PSTPIP1: variants seen among roughly 807,000 people sequenced by gnomAD.
The protein encoded by PSTPIP1 is proline-serine-threonine phosphatase-interacting protein 1.
A neutral mutation model predicts 69.6 loss-of-function variants in PSTPIP1; 66 were observed. The observed-to-expected ratio is 0.95, with a 90% CI of 0.78 to 1.16. The LOEUF is 1.16. Among genes scored for constraint, PSTPIP1 ranks in the 50% most tolerant of loss-of-function variants. The pLI is 0.00. For synonymous variants in PSTPIP1, 266 were observed against 222.7 expected (o/e 1.19, Z -1.73); for missense variants, 603 against 557.4 (o/e 1.08, Z -0.82).
At chr15:77,014,196 G>A (rs2076003764) in intron 1 of PSTPIP1, among the ~76,000 whole-genome samples, 2 of 152,158 alleles carry the variant, frequency 1.3e-5, no homozygotes, top group Non-Finnish European at 2.9e-5. Context: ...TAACCTCTCT[G>A]GGTTACCTTT....
intron 10 of PSTPIP1, 31 bp from the exon 11 acceptor site, chr15:77,032,267 G>T (rs1321047458): frequency 7.5e-6 from 12 of 1,605,212 alleles, no homozygotes; most frequent in Non-Finnish European, 8.5e-6. Flanking sequence ...AGTGGGCATC[G>T]GGCTGCGGCC....
chr15:76,997,820 C>T (rs1022198), intron 1 of PSTPIP1, among the ~76,000 whole-genome samples: 48,846 of 152,106 alleles, frequency 0.32, 9,500 homozygotes, highest in African/African-American at 0.52. Context: ...AGGCACACTA[C>T]TCTGGCCACA....
At position 77,028,549 on chromosome 15, in the gene PSTPIP1, C is replaced by G; in HGVS notation, c.418-5C>G. 5 of 1,596,770 alleles carry G rather than the reference C, an allele frequency of 3.1e-6. No individual in the cohort carries two copies. Among genetic ancestry groups the G allele is most frequent in the Non-Finnish European group, 4.3e-6 (5 of 1,172,652 alleles). On this transcript the variant is annotated splice_region_variant and splice_polypyrimidine_tract_variant and intron_variant, in intron 6 of 14. Coordinates refer to ENST00000558012, the MANE Select transcript of PSTPIP1 (RefSeq NM_003978.5). ...CCCCCAAGTCACGCCCCTCCACACC[C>G]CCAGTCCAAGAAGACATACGAGCAG...
At chr15:77,016,757 A>G (rs1213409857) in intron 1 of PSTPIP1, among the ~76,000 whole-genome samples, 1 of 152,138 alleles carries the variant, frequency 6.6e-6, no homozygotes, top group African/African-American at 2.4e-5. Flanking sequence ...GATTCTTCTT[A>G]GACCTTGGAG....
chr15:77,001,014 TGG>T (rs2075696638), intron 1 of PSTPIP1, among the ~76,000 whole-genome samples: 2 of 152,094 alleles, frequency 1.3e-5, no homozygotes, highest in Non-Finnish European at 2.9e-5. Context: ...GGAACACCTG[TGG>T]GTGTGGACAT....
intron 12 of PSTPIP1, among the ~76,000 whole-genome samples, chr15:77,034,027 CA>C (rs2076490153): frequency 6.6e-6 from 1 of 152,022 alleles, no homozygotes; most frequent in Non-Finnish European, 1.5e-5. Flanking sequence ...GGAGTGGCCC[CA>C]GAGAGGATTA....
chr15:76,998,096 G>A (rs544661666), intron 1 of PSTPIP1, among the ~76,000 whole-genome samples: 13 of 152,292 alleles, frequency 8.5e-5, no homozygotes, highest in African/African-American at 3.1e-4. Flanking sequence ...AAATTAGCCA[G>A]GCGTGATGGC....
intron 1 of PSTPIP1, among the ~76,000 whole-genome samples, chr15:76,996,902 C>T (rs2075592800): frequency 6.6e-6 from 1 of 152,172 alleles, no homozygotes; most frequent in African/African-American, 2.4e-5. Context: ...ACCTAGCTGC[C>T]CTGCCTTGGT....
chr15:77,028,428 G>A (rs915594882), intron 6 of PSTPIP1, 126 bp from the exon 7 acceptor site: 1 of 707,364 alleles, frequency 1.4e-6, no homozygotes, highest in Non-Finnish European at 2.3e-6. Flanking sequence ...TCCCTGGTGA[G>A]GATGCCCCCA....
chr15:77,013,651 C>T (rs2075990275), intron 1 of PSTPIP1, among the ~76,000 whole-genome samples: 2 of 152,184 alleles, frequency 1.3e-5, no homozygotes, highest in Admixed American at 6.5e-5. Context: ...CTAGGGGCTC[C>T]TCTCTCCCTG....
At position 77,027,453 on chromosome 15, in the gene PSTPIP1, G is replaced by A. The variant is rs1421148344; in HGVS notation, c.355-399G>A. Among the ~76,000 whole-genome samples, 4 of 152,212 alleles carry A rather than the reference G, an allele frequency of 2.6e-5. No individual in the cohort carries two copies. In the South Asian group the frequency reaches 8.3e-4, roughly 32 times the overall value. On this transcript the variant is annotated intron_variant, in intron 5 of 14. Transcript: ENST00000558012. The surrounding 1 kb of genome is among the most constrained non-coding windows in gnomAD (Gnocchi z 4.3). ...GTGTGGGCAGCTAGGGATGGGGCCT[G>A]TGTGCCTCCGAGTTAATGTGGAACT... is the stretch of plus-strand genomic sequence containing the variant.
chr15:77,000,757 G>A (rs1252062756), intron 1 of PSTPIP1, among the ~76,000 whole-genome samples: 1 of 152,012 alleles, frequency 6.6e-6, no homozygotes, highest in African/African-American at 2.4e-5. Context: ...GCCCAGGCTG[G>A]TCTCAAACTC....
intron 3 of PSTPIP1, among the ~76,000 whole-genome samples, chr15:77,019,269 C>A (rs1338023336): frequency 1.3e-5 from 2 of 152,174 alleles, no homozygotes; most frequent in African/African-American, 2.4e-5. Flanking sequence ...CCAGACTGTC[C>A]CCCTGGGTGA....
upstream of PSTPIP1, chr15:76,995,116 G>A (rs1596027412): frequency 8.5e-7 from 1 of 1,178,260 alleles, no homozygotes; most frequent in East Asian, 6.0e-5. Flanking sequence ...TGCCCCGGGG[G>A]AGGTTGCACA....
At chr15:77,018,610 C>T in intron 3 of PSTPIP1, 79 bp downstream of exon 3, 1 of 1,393,692 alleles carries the variant, frequency 7.2e-7, no homozygotes, top group African/African-American at 1.5e-5. Context: ...TTTAGGTCTT[C>T]CTGGCATGGG....
At position 77,035,860 on chromosome 15, in the gene PSTPIP1, C is replaced by T. The variant is rs370740664; in HGVS notation, c.1044C>T (p.Ile348=). The T allele has an allele frequency of 3.4e-5, 55 of 1,610,648 alleles. No individual in the cohort carries two copies. The highest frequency in any genetic ancestry group is 8.3e-5 in the Admixed American group (5 of 59,934). ...PERNEGVYTA[I]AVQEIQGNPA... ...GGAATGAGGGTGTCTACACAGCCAT[C>T]GCAGTGCAGGAGATACAGGGAAACC... is the stretch of plus-strand genomic sequence containing the variant. The change falls in exon 14 of 15, where the codon ATC becomes ATT. Residue 348 remains isoleucine (I), a synonymous_variant. Coordinates refer to ENST00000558012, the MANE Select transcript of PSTPIP1 (RefSeq NM_003978.5).
At chr15:77,012,694 G>A (rs2075970108) in intron 1 of PSTPIP1, among the ~76,000 whole-genome samples, 1 of 152,210 alleles carries the variant, frequency 6.6e-6, no homozygotes, top group Non-Finnish European at 1.5e-5. Flanking sequence ...CTGTGCCTCT[G>A]TTTCCGTATC....
intron 3 of PSTPIP1, among the ~76,000 whole-genome samples, chr15:77,020,672 T>C (rs955385542): frequency 2.0e-5 from 3 of 152,126 alleles, no homozygotes; most frequent in African/African-American, 7.2e-5. Flanking sequence ...GTGACTTCCT[T>C]CTCCTTCCTA....
chr15:76,998,802 T>C (rs1380963559), intron 1 of PSTPIP1, among the ~76,000 whole-genome samples: 1 of 152,180 alleles, frequency 6.6e-6, no homozygotes, highest in Non-Finnish European at 1.5e-5. Flanking sequence ...ACAGTATTTA[T>C]TTATAGCCTG....
Sources: allele counts gnomAD v4.1 joint callset (sites outside exome capture counted in the v4.1 genomes callset), GRCh38; gene constraint gnomAD v4.1.1; non-coding constraint Gnocchi (gnomAD v3.1); transcripts MANE v1.5; gene names NCBI Gene and HGNC (gene_info 2026-07-23, HGNC 2026-07-21).